Variants in DNER observed in about 807,000 individuals in gnomAD.
DNER encodes delta/notch like EGF repeat containing.
Under a neutral mutation model 78.2 loss-of-function variants are expected in DNER, and 33 were observed. The observed-to-expected ratio is 0.42, with a 90% CI of 0.32 to 0.56. The LOEUF (loss-of-function observed/expected upper bound fraction) is 0.56, where lower values mean the gene tolerates loss of function less well. DNER is among the 20% of genes least tolerant of loss of function. DNER has a pLI of 0.11. For missense variants in DNER, 918 were observed against 975.3 expected, an observed-to-expected ratio of 0.94 and a Z score of 0.78; for synonymous variants, 417 against 384.8, an observed-to-expected ratio of 1.08 and a Z score of -0.98.
At chr2:229,617,029 C>T (rs181096434) in intron 1 of DNER, among the ~76,000 whole-genome samples, 2 of 152,246 alleles carry the variant, frequency 1.3e-5, no homozygotes, top group East Asian at 1.9e-4. Context: ...AGATGAAAAG[C>T]CGGGATTTCA....
rs554312617 is a variant in DNER at position 229,597,261 on chromosome 2, T to C, written c.277-5373A>G. On this transcript the variant is annotated intron_variant, in intron 1 of 12. Coordinates refer to ENST00000341772, the MANE Select transcript of DNER (RefSeq NM_139072.4). ...CAATGGCAGCTTTCTGCCATTATTT[T>C]CTCTAACTCTTCAGACTAGTTTTAT... is the stretch of plus-strand genomic sequence containing the variant. Among the ~76,000 whole-genome samples, 17 of 152,380 alleles carry C rather than the reference T, an allele frequency of 1.1e-4. No individual in the cohort carries two copies. The East Asian group carries it at 3.1e-3, about 28-fold the overall frequency.
chr2:229,637,030 A>G (rs1698542057), intron 1 of DNER, among the ~76,000 whole-genome samples: 1 of 152,216 alleles, frequency 6.6e-6, no homozygotes, highest in Admixed American at 6.5e-5. Flanking sequence ...CTGGACTACC[A>G]CTATTCAAGT....
intron 4 of DNER, among the ~76,000 whole-genome samples, chr2:229,583,498 G>C (rs763666048): frequency 2.0e-5 from 3 of 152,222 alleles, no homozygotes; most frequent in Non-Finnish European, 2.9e-5. Flanking sequence ...AATGTTAATA[G>C]CTTTCAAACT....
chr2:229,393,554 A>G (rs1276132836), intron 10 of DNER, among the ~76,000 whole-genome samples: 3 of 151,324 alleles, frequency 2.0e-5, no homozygotes, highest in Non-Finnish European at 4.4e-5. Context: ...ACTTTTTAAA[A>G]AACTAAGTAG....
At chr2:229,530,763 C>T (rs1425327434) in intron 5 of DNER, among the ~76,000 whole-genome samples, 6 of 152,206 alleles carry the variant, frequency 3.9e-5, no homozygotes, top group Non-Finnish European at 1.5e-5. Context: ...TTGGAAAGAA[C>T]TAATGCCTGT....
chr2:229,587,145 T>C (rs1697517271), intron 3 of DNER: 1 of 218,222 alleles, frequency 4.6e-6, no homozygotes, highest in Non-Finnish European at 7.8e-6. Flanking sequence ...CAAGGTAAGA[T>C]AATATGATCT....
At chr2:229,415,906 G>A (rs546349094) in intron 9 of DNER, among the ~76,000 whole-genome samples, 4 of 152,216 alleles carry the variant, frequency 2.6e-5, no homozygotes, top group East Asian at 1.9e-4. Context: ...TGATCCCTTC[G>A]AAGAATCTTG....
chr2:229,370,854 C>T lies in DNER; in HGVS notation c.1856-3735G>A, dbSNP rs1316800154. Among the ~76,000 whole-genome samples, 3 of 152,182 alleles carry T rather than the reference C, an allele frequency of 2.0e-5. No homozygotes were observed. In the East Asian group the frequency reaches 5.8e-4, roughly 29 times the overall value. ...TGAGTTCTTGCAGTCTACGCATAAG[C>T]TTCATAGCATTAACCTACACATCAC... is the stretch of plus-strand genomic sequence containing the variant. On this transcript the variant is annotated intron_variant, in intron 11 of 12. Coordinates refer to ENST00000341772, the MANE Select transcript of DNER (RefSeq NM_139072.4).
intron 8 of DNER, among the ~76,000 whole-genome samples, chr2:229,434,669 G>A (rs1324706172): frequency 1.3e-5 from 2 of 152,126 alleles, no homozygotes; most frequent in South Asian, 4.1e-4. Flanking sequence ...AAGATTCTAG[G>A]AGAATATATA....
In DNER at chr2:229,591,670, G is replaced by A; in HGVS notation, c.495C>T (p.Ile165=). ...TCACCGTTGCCTGAGAGCGAGGCAG[G>A]ATTTTGTCAGGCTCCTGAGTAGCAG... ...PVPATQEPDK[I]LPRSQATVTL... is the part of the protein sequence containing the mutation. The change falls in exon 2 of 13, where the codon ATC becomes ATT. Residue 165 remains isoleucine, a synonymous_variant. Transcript: ENST00000341772. The surrounding 1 kb of genome is among the most constrained non-coding windows in gnomAD (Gnocchi z 4.6). 6.2e-7 allele frequency: 1 copy of A among 1,614,190 alleles called. No homozygotes were observed. The highest frequency in any genetic ancestry group is 1.3e-5 in the African/African-American group (1 of 75,060).
At chr2:229,504,108 G>A (rs114650763) in intron 6 of DNER, among the ~76,000 whole-genome samples, 2,742 of 152,282 alleles carry the variant, frequency 0.018, 31 homozygotes, top group Non-Finnish European at 0.027. Flanking sequence ...CTGTGGTGAC[G>A]TGTGTATGTG....
chr2:229,387,887 GTGTGTT>G lies in DNER; in HGVS notation c.1855+372_1855+377del, dbSNP rs1461615582. ...TCTGTGTGTGTGTGTGTGTGTGTGT[GTGTGTT>G]TTTTAATTTTCAACACAAAGACTCT... On this transcript the variant is annotated intron_variant, in intron 11 of 12. Coordinates refer to ENST00000341772, the MANE Select transcript of DNER (RefSeq NM_139072.4). Among the ~76,000 whole-genome samples the G allele has an allele frequency of 4.6e-3, 579 of 125,758 alleles. 2 individuals carry two copies. Among genetic ancestry groups the G allele is most frequent in the African/African-American group, 0.013 (459 of 35,762 alleles). The allele number at this position is 125,758 out of a possible 152,430, so 82.5% of individuals were successfully genotyped here. A position where few individuals can be genotyped will look rare whatever the true frequency, so the allele number is the denominator to read the frequency against.
At chr2:229,474,421 T>C (rs976443552) in intron 7 of DNER, among the ~76,000 whole-genome samples, 1 of 152,226 alleles carries the variant, frequency 6.6e-6, no homozygotes, top group African/African-American at 2.4e-5. Context: ...TCATTGAAGA[T>C]AAACCTTCGA....
Position 229,447,489 on chromosome 2 carries a change from G to A in DNER, c.1313C>T (p.Pro438Leu), listed in dbSNP as rs150154624. 4.4e-4 allele frequency: 711 copies of A among 1,614,154 alleles called. 8 individuals carry two copies. The highest frequency in any genetic ancestry group is 1.6e-4 in the Middle Eastern group (1 of 6,062). Residue 438 changes from proline (P) to leucine (L), a missense_variant, in exon 8 of 13, where the codon CCG (proline) becomes CTG (leucine). Coordinates refer to ENST00000341772, the MANE Select transcript of DNER (RefSeq NM_139072.4). ...EEKVDPCASS[P>L]CQNNGTCYVD... is the part of the protein sequence containing the mutation. ...ATAGCAGGTGCCGTTGTTCTGGCAC[G>A]GAGACGAGGCGCAGGGGTCCACCTT... is the stretch of plus-strand genomic sequence containing the variant.
chr2:229,684,412 A>G (rs1699450294), intron 1 of DNER, among the ~76,000 whole-genome samples: 1 of 151,762 alleles, frequency 6.6e-6, no homozygotes, highest in African/African-American at 2.4e-5. Flanking sequence ...CGGATTTCAA[A>G]TATTTGTTTT....
At chr2:229,477,080 C>A in intron 7 of DNER, 60 bp downstream of exon 7, 1 of 1,350,730 alleles carries the variant, frequency 7.4e-7, no homozygotes, top group Non-Finnish European at 1.0e-6. Flanking sequence ...TAAGGCTGAT[C>A]AAATTAGTTT....
intron 4 of DNER, among the ~76,000 whole-genome samples, chr2:229,579,226 C>T (rs535408795): frequency 6.6e-6 from 1 of 152,240 alleles, no homozygotes; most frequent in East Asian, 1.9e-4. Flanking sequence ...CATCTGAATC[C>T]CATGGCCACT....
intron 6 of DNER, among the ~76,000 whole-genome samples, chr2:229,479,721 A>AT (rs1695114164): frequency 6.6e-6 from 1 of 150,446 alleles, no homozygotes; most frequent in South Asian, 2.1e-4. Context: ...TCAAAAAAAA[A>AT]AAAAAAAAAA....
intron 8 of DNER, among the ~76,000 whole-genome samples, chr2:229,430,735 CCTGA>C (rs1693985983): frequency 6.7e-6 from 1 of 149,050 alleles, no homozygotes; most frequent in Non-Finnish European, 1.5e-5. Flanking sequence ...TGTAGAGAAC[CCTGA>C]CTAATACACA....
Sources: allele counts gnomAD v4.1 joint callset (sites outside exome capture counted in the v4.1 genomes callset), GRCh38; gene constraint gnomAD v4.1.1; non-coding constraint Gnocchi (gnomAD v3.1); transcripts MANE v1.5; gene names NCBI Gene and HGNC (gene_info 2026-07-23, HGNC 2026-07-21).